The following SIAH3 variants were observed in gnomAD, a reference collection of about 807,000 sequenced individuals.
SIAH3 encodes the protein siah E3 ubiquitin protein ligase family member 3.
SIAH3 carries 9 observed loss-of-function variants against 12.6 expected under a neutral mutation model. The observed-to-expected ratio is 0.72, with a 90% confidence interval of 0.43 to 1.25. The LOEUF (loss-of-function observed/expected upper bound fraction) is 1.25, where lower values mean the gene tolerates loss of function less well. Among genes scored for constraint, SIAH3 ranks in the 50% most tolerant of loss-of-function variants. The probability of loss-of-function intolerance (pLI) is 0.00; values close to 1 mark genes in which losing one functional copy is unlikely to be tolerated. For missense variants in SIAH3, 390 were observed against 365.4 expected, an observed-to-expected ratio of 1.07 and a Z score of -0.55; for synonymous variants, 154 against 151.1, an observed-to-expected ratio of 1.02 and a Z score of -0.14.
At chr13:45,843,032 C>CTGTGTGTGTGTGTGTGTG (rs746384493) in intron 1 of SIAH3, among the ~76,000 whole-genome samples, 2,697 of 126,744 alleles carry the variant, frequency 0.021, 41 homozygotes, top group Middle Eastern at 0.059. Context: ...CTCTCTCTCT[C>CTGTGTGTGTGTGTGTGTG]TCTGTGTGTG....
chr13:45,797,349 C>A (rs934181869), intron 1 of SIAH3, among the ~76,000 whole-genome samples: 1 of 152,150 alleles, frequency 6.6e-6, no homozygotes, highest in Admixed American at 6.5e-5. Flanking sequence ...ATAATGCCTG[C>A]CGCTTGGGTG....
intron 1 of SIAH3, among the ~76,000 whole-genome samples, chr13:45,822,351 T>G (rs1248896678): frequency 6.6e-6 from 1 of 151,830 alleles, no homozygotes; most frequent in Non-Finnish European, 1.5e-5. Context: ...TTTTTCCAAG[T>G]ATAGTAAGAC....
intron 1 of SIAH3, among the ~76,000 whole-genome samples, chr13:45,786,113 T>G (rs1006831102): frequency 3.9e-5 from 6 of 152,144 alleles, no homozygotes; most frequent in Admixed American, 3.3e-4. Context: ...AGTGATTTGG[T>G]CGGGGGGGTT....
chr13:45,791,865 C>T (rs1257315250), intron 1 of SIAH3, among the ~76,000 whole-genome samples: 1 of 152,172 alleles, frequency 6.6e-6, no homozygotes, highest in African/African-American at 2.4e-5. Context: ...CAATGTTCCC[C>T]TCCTGCACCT....
chr13:45,835,889 T>C (rs1191347134), intron 1 of SIAH3, among the ~76,000 whole-genome samples: 2 of 152,234 alleles, frequency 1.3e-5, no homozygotes, highest in Non-Finnish European at 2.9e-5. Flanking sequence ...CCTGATTCTT[T>C]CCCTGTTCTT....
chr13:45,791,054 A>G (rs1451914605), intron 1 of SIAH3, among the ~76,000 whole-genome samples: 2 of 151,956 alleles, frequency 1.3e-5, no homozygotes, highest in Non-Finnish European at 2.9e-5. Flanking sequence ...GGTCCCAGCT[A>G]CTCAGAGACT....
chr13:45,850,976 CA>C (rs563897147), intron 1 of SIAH3, among the ~76,000 whole-genome samples: 49 of 148,656 alleles, frequency 3.3e-4, no homozygotes, highest in Middle Eastern at 3.6e-3. Context: ...AGTCTGAGGA[CA>C]AGGACAAACA....
At chr13:45,790,408 A>C (rs1950542158) in intron 1 of SIAH3, among the ~76,000 whole-genome samples, 1 of 152,210 alleles carries the variant, frequency 6.6e-6, no homozygotes, top group Non-Finnish European at 1.5e-5. Flanking sequence ...CCTCCTGACC[A>C]AGCCGGTCTT....
Position 45,779,145 on chromosome 13 carries a change from G to C in SIAH3, c.*4238C>G, listed in dbSNP as rs1950494856. 1 of 152,192 alleles carries C rather than the reference G, an allele frequency of 6.6e-6. No individual in the cohort carries two copies. Among genetic ancestry groups the C allele is most frequent in the African/African-American group, 2.4e-5 (1 of 41,440 alleles). 9.4% of individuals were successfully genotyped at this position (152,192 alleles called of 1,614,324 possible). On this transcript the variant is annotated 3_prime_UTR_variant, in exon 2 of 2. Coordinates refer to ENST00000400405, the MANE Select transcript of SIAH3 (RefSeq NM_198849.3). The stretch of plus-strand genomic sequence containing the variant: ...ATGCGGTGCAGCACATTATTATATA[G>C]TATGTTCATCATACAGATGTGATAG...
chr13:45,778,913 A>T lies in SIAH3; in HGVS notation c.*4470T>A, dbSNP rs1301742828. 2 of 152,206 alleles carry T rather than the reference A, an allele frequency of 1.3e-5. No homozygotes were observed. Among genetic ancestry groups the T allele is most frequent in the Non-Finnish European group, 2.9e-5 (2 of 68,038 alleles). 9.4% of individuals were successfully genotyped at this position (152,206 alleles called of 1,614,324 possible). A position where few individuals can be genotyped will look rare whatever the true frequency, so the allele number is the denominator to read the frequency against. On this transcript the variant is annotated 3_prime_UTR_variant, in exon 2 of 2. Coordinates refer to ENST00000400405, the MANE Select transcript of SIAH3 (RefSeq NM_198849.3). Reference sequence around the variant, plus strand: ...GCCGTTTTATATAAGGGACTTGAGCATCTTCAGATTTTAGTGTCCACGAGA... The same window carrying T: ...GCCGTTTTATATAAGGGACTTGAGCTTCTTCAGATTTTAGTGTCCACGAGA...
intron 1 of SIAH3, among the ~76,000 whole-genome samples, chr13:45,792,355 T>C (rs911513320): frequency 1.8e-5 from 2 of 110,946 alleles, no homozygotes; most frequent in African/African-American, 6.7e-5. Context: ...ATTATGAAGG[T>C]ATAAATTTTT....
At chr13:45,813,036 C>T (rs753793800) in intron 1 of SIAH3, among the ~76,000 whole-genome samples, 9 of 152,202 alleles carry the variant, frequency 5.9e-5, no homozygotes, top group Non-Finnish European at 1.3e-4. Flanking sequence ...GGGTGTCCTG[C>T]CCTGGCTGTC....
At chr13:45,837,458 G>A (rs1379504311) in intron 1 of SIAH3, among the ~76,000 whole-genome samples, 1 of 151,642 alleles carries the variant, frequency 6.6e-6, no homozygotes, top group Non-Finnish European at 1.5e-5. Flanking sequence ...AGGAAGGAAG[G>A]GAGGAAGGAA....
intron 1 of SIAH3, among the ~76,000 whole-genome samples, chr13:45,850,128 C>T (rs1282451180): frequency 6.6e-6 from 1 of 152,200 alleles, no homozygotes; most frequent in Non-Finnish European, 1.5e-5. Context: ...GCATTCGTCA[C>T]AGCTGGGATA....
At chr13:45,841,641 G>T (rs1328792935) in intron 1 of SIAH3, among the ~76,000 whole-genome samples, 2 of 152,198 alleles carry the variant, frequency 1.3e-5, no homozygotes, top group African/African-American at 4.8e-5. Flanking sequence ...AATCCACAAA[G>T]AACCTGTTCT....
intron 1 of SIAH3, among the ~76,000 whole-genome samples, chr13:45,850,919 C>CCACACACACACACA (rs34118981): frequency 8.8e-4 from 113 of 128,326 alleles, no homozygotes; most frequent in East Asian, 5.1e-3. Context: ...CCTCCCGACA[C>CCACACACACACACA]CACACACACA....
chr13:45,813,816 C>A (rs1419439976), intron 1 of SIAH3, among the ~76,000 whole-genome samples: 1 of 152,022 alleles, frequency 6.6e-6, no homozygotes, highest in African/African-American at 2.4e-5. Context: ...CTTAAAAGGA[C>A]ACTAATACCA....
At chr13:45,849,976 G>T (rs143224099) in intron 1 of SIAH3, among the ~76,000 whole-genome samples, 19 of 152,302 alleles carry the variant, frequency 1.2e-4, no homozygotes, top group Non-Finnish European at 2.5e-4. Context: ...ATTTTAATGT[G>T]CATACTACAT....
intron 1 of SIAH3, among the ~76,000 whole-genome samples, chr13:45,844,631 C>T (rs1950752376): frequency 6.6e-6 from 1 of 152,202 alleles, no homozygotes; most frequent in South Asian, 2.1e-4. Flanking sequence ...AATAAATCCC[C>T]TCTCATATAT....
Sources: gnomAD v4.1 joint callset for allele counts (sites outside exome capture counted in the v4.1 genomes callset) on GRCh38, gnomAD v4.1.1 for gene constraint, MANE v1.5 for transcripts, NCBI Gene and HGNC (gene_info 2026-07-23, HGNC 2026-07-21) for gene names.